The following MARCHF1 variants were observed in gnomAD, a reference collection of about 807,000 sequenced individuals.
The protein encoded by MARCHF1 is E3 ubiquitin-protein ligase MARCHF1.
Under a neutral mutation model 54.2 loss-of-function variants are expected in MARCHF1, and 40 were observed. The observed-to-expected ratio is 0.74, with a 90% CI of 0.57 to 0.96. MARCHF1 has a LOEUF of 0.96. Among genes scored for constraint, MARCHF1 ranks in the 40% least tolerant of loss-of-function variants. The probability of loss-of-function intolerance (pLI) is 0.00; values close to 1 mark genes in which losing one functional copy is unlikely to be tolerated. For missense variants in MARCHF1, 586 were observed against 656.5 expected, an observed-to-expected ratio of 0.89 and a Z score of 1.17; for synonymous variants, 236 against 236.3, an observed-to-expected ratio of 1.00 and a Z score of 0.01.
intron 4 of MARCHF1, among the ~76,000 whole-genome samples, chr4:163,834,035 G>A (rs1203879574): frequency 6.6e-6 from 1 of 152,090 alleles, no homozygotes; most frequent in African/African-American, 2.4e-5. Context: ...TTTATGTGTT[G>A]TCTTGTTATA....
rs536610527 is a variant in MARCHF1 at position 163,934,394 on chromosome 4, G to A, written c.-39+54107C>T. Among the ~76,000 whole-genome samples the A allele has an allele frequency of 4.0e-4, 60 of 149,162 alleles. 1 individual carries two copies. The South Asian group carries it at 0.013, about 32-fold the overall frequency. Reference sequence around the variant, plus strand: ...GGCAACATAGAAATGCTTCATCTCTGCAATTTTTTTTTTAATTAGCCAGGT... The same window carrying A: ...GGCAACATAGAAATGCTTCATCTCTACAATTTTTTTTTTAATTAGCCAGGT... On this transcript the variant is annotated intron_variant, in intron 3 of 9. Transcript: ENST00000514618.
chr4:163,941,116 A>C (rs1039605746), intron 3 of MARCHF1, among the ~76,000 whole-genome samples: 1 of 152,108 alleles, frequency 6.6e-6, no homozygotes, highest in African/African-American at 2.4e-5. Flanking sequence ...TAAACAGGCT[A>C]TGTATCCTTG....
chr4:163,607,200 T>G (rs566792949), intron 7 of MARCHF1, among the ~76,000 whole-genome samples: 24 of 152,228 alleles, frequency 1.6e-4, no homozygotes, highest in Non-Finnish European at 2.5e-4. Context: ...CTCATTTGAA[T>G]TGATTTCTGT....
intron 4 of MARCHF1, among the ~76,000 whole-genome samples, chr4:163,768,979 G>A (rs563323826): frequency 3.3e-5 from 5 of 152,068 alleles, no homozygotes; most frequent in Non-Finnish European, 7.4e-5. Flanking sequence ...TTAATATGAA[G>A]CCTTTAAAAT....
At chr4:163,933,048 T>G in intron 3 of MARCHF1, 1 of 1,478,488 alleles carries the variant, frequency 6.8e-7, no homozygotes. Context: ...TTCTGTATTT[T>G]ACTATGAGAT....
intron 7 of MARCHF1, among the ~76,000 whole-genome samples, chr4:163,609,661 T>A (rs1741265765): frequency 6.6e-6 from 1 of 151,096 alleles, no homozygotes; most frequent in Non-Finnish European, 1.5e-5. Context: ...TACACGTATA[T>A]ATTTATATAC....
At chr4:164,211,452 A>G (rs971862179) in intron 1 of MARCHF1, among the ~76,000 whole-genome samples, 3 of 151,802 alleles carry the variant, frequency 2.0e-5, no homozygotes, top group African/African-American at 7.2e-5. Flanking sequence ...TTCTCAGTAA[A>G]AATAACATAA....
intron 1 of MARCHF1, among the ~76,000 whole-genome samples, chr4:164,203,122 C>T (rs1486626059): frequency 6.6e-6 from 1 of 151,884 alleles, no homozygotes; most frequent in Non-Finnish European, 1.5e-5. Context: ...TAGAATCAGA[C>T]ACCCATTGAG....
chr4:164,330,373 G>A (rs535753187), intron 1 of MARCHF1, among the ~76,000 whole-genome samples: 40 of 152,090 alleles, frequency 2.6e-4, no homozygotes, highest in African/African-American at 8.4e-4. Context: ...AAGAAATTCC[G>A]AAGTTTGTCA....
chr4:164,296,326 A>C (rs1734410649), intron 1 of MARCHF1, among the ~76,000 whole-genome samples: 1 of 152,190 alleles, frequency 6.6e-6, no homozygotes, highest in African/African-American at 2.4e-5. Context: ...TAAATATTCC[A>C]TTGACAATCA....
At chr4:163,780,984 T>C (rs1747448007) in intron 4 of MARCHF1, among the ~76,000 whole-genome samples, 1 of 152,170 alleles carries the variant, frequency 6.6e-6, no homozygotes. Context: ...TGTCTTTTAC[T>C]GCAGGGATCA....
chr4:163,888,072 G>A (rs1204174010), intron 3 of MARCHF1, among the ~76,000 whole-genome samples: 1 of 152,186 alleles, frequency 6.6e-6, no homozygotes, highest in Non-Finnish European at 1.5e-5. Flanking sequence ...AAAATAGGAT[G>A]TCTGCGCTTT....
At chr4:164,188,549 A>G (rs1371401964) in intron 1 of MARCHF1, 2 of 748,452 alleles carry the variant, frequency 2.7e-6, no homozygotes, top group Non-Finnish European at 5.0e-6. Context: ...CAACAATCAG[A>G]GCAAACGCAT....
intron 5 of MARCHF1, among the ~76,000 whole-genome samples, chr4:163,631,841 C>T (rs532938070): frequency 9.9e-5 from 15 of 152,176 alleles, no homozygotes; most frequent in African/African-American, 1.9e-4. Context: ...TCAAAAACTG[C>T]GCATCAAAGG....
At chr4:163,631,886 G>A (rs1157925694) in intron 5 of MARCHF1, among the ~76,000 whole-genome samples, 1 of 152,134 alleles carries the variant, frequency 6.6e-6, no homozygotes, top group African/African-American at 2.4e-5. Context: ...TACATACAGA[G>A]AAAATATTTA....
chr4:163,681,896 G>A (rs1318973750), intron 5 of MARCHF1, among the ~76,000 whole-genome samples: 2 of 152,194 alleles, frequency 1.3e-5, no homozygotes, highest in South Asian at 2.1e-4. Flanking sequence ...AATAGGCAGA[G>A]GCTGGAATAG....
At chr4:163,565,700 AC>A (rs1450199672) in intron 8 of MARCHF1, among the ~76,000 whole-genome samples, 1 of 152,000 alleles carries the variant, frequency 6.6e-6, no homozygotes, top group Non-Finnish European at 1.5e-5. Flanking sequence ...AAAGCACTTC[AC>A]CCCCAGAAGG....
chr4:164,010,060 CTCTTT>C (rs1404068718), intron 2 of MARCHF1, among the ~76,000 whole-genome samples: 1 of 106,562 alleles, frequency 9.4e-6, no homozygotes, highest in Admixed American at 1.4e-4. Context: ...CATCAAAAAA[CTCTTT>C]TTTTTTTTTT....
intron 2 of MARCHF1, among the ~76,000 whole-genome samples, chr4:164,057,012 A>G (rs144635614): frequency 6.6e-6 from 1 of 152,150 alleles, no homozygotes; most frequent in African/African-American, 2.4e-5. Context: ...GGCACCAGGG[A>G]GTTCCTGTCA....
Sources: allele counts gnomAD v4.1 joint callset (sites outside exome capture counted in the v4.1 genomes callset), GRCh38; gene constraint gnomAD v4.1.1; transcripts MANE v1.5; gene names NCBI Gene and HGNC (gene_info 2026-07-23, HGNC 2026-07-21).